ABCC3: variants seen among roughly 807,000 people sequenced by gnomAD.
ABCC3 encodes ATP binding cassette subfamily C member 3.
Under a neutral mutation model 165.3 loss-of-function variants are expected in ABCC3, and 121 were observed. The observed-to-expected ratio is 0.73, with a 90% CI of 0.63 to 0.85. The LOEUF (loss-of-function observed/expected upper bound fraction) is 0.85. Among genes scored for constraint, ABCC3 ranks in the 40% least tolerant of loss-of-function variants. The pLI, the probability that ABCC3 is intolerant of heterozygous loss-of-function variation, is 0.00. For synonymous variants in ABCC3, 733 were observed against 810.1 expected, an observed-to-expected ratio of 0.90 and a Z score of 1.62; for missense variants, 1,869 against 1,964.1, an observed-to-expected ratio of 0.95 and a Z score of 0.92.
chr17:50,655,758 T>A (rs1404782824), intron 1 of ABCC3, 74 bp from the exon 2 acceptor site: 4 of 1,396,182 alleles, frequency 2.9e-6, no homozygotes, highest in African/African-American at 1.4e-5. Context: ...TCTCTCCAGC[T>A]AAGCCATCTT....
At chr17:50,669,290 G>T in intron 16 of ABCC3, 24 bp downstream of exon 16, 1 of 1,614,088 alleles carries the variant, frequency 6.2e-7, no homozygotes, top group Non-Finnish European at 8.5e-7. Flanking sequence ...GGGCTCCTGG[G>T]CAGGGTGTGG....
chr17:50,646,512 T>C (rs1967004844), intron 1 of ABCC3, among the ~76,000 whole-genome samples: 1 of 152,166 alleles, frequency 6.6e-6, no homozygotes, highest in Non-Finnish European at 1.5e-5. Context: ...CATATCATCA[T>C]ATGAGACTGC....
chr17:50,673,958 T>TTCTTTCTTTC (rs1301384637), intron 19 of ABCC3, among the ~76,000 whole-genome samples: 8 of 15,952 alleles, frequency 5.0e-4, no homozygotes, highest in Admixed American at 1.7e-3. Flanking sequence ...CTTTCTTTCT[T>TTCTTTCTTTC]TCTTTCTTTC....
chr17:50,636,113 G>A (rs1332573365), intron 1 of ABCC3, among the ~76,000 whole-genome samples: 1 of 152,182 alleles, frequency 6.6e-6, no homozygotes, highest in Non-Finnish European at 1.5e-5. Flanking sequence ...CAGATTAAAG[G>A]TGCTTCTCTG....
chr17:50,675,170 T>C (rs1267129785), intron 19 of ABCC3, among the ~76,000 whole-genome samples, 192 bp from the exon 20 acceptor site: 1 of 152,218 alleles, frequency 6.6e-6, no homozygotes, highest in Non-Finnish European at 1.5e-5. Context: ...TTGAGTCCGT[T>C]TCTCCATAAT....
chr17:50,690,084 T>C (rs1250988095), intron 30 of ABCC3, among the ~76,000 whole-genome samples: 5 of 150,792 alleles, frequency 3.3e-5, no homozygotes, highest in Non-Finnish European at 7.4e-5. Context: ...TGAGTAAGAG[T>C]TGGAGGATGG....
chr17:50,641,592 C>A (rs1325504252), intron 1 of ABCC3, among the ~76,000 whole-genome samples: 1 of 152,204 alleles, frequency 6.6e-6, no homozygotes, highest in African/African-American at 2.4e-5. Flanking sequence ...TTTATCTATT[C>A]ATTTGTTTAT....
chr17:50,675,733 A>G lies in ABCC3; in HGVS notation c.2817A>G (p.Ala939=). ...SEKVQVTEAK[A]DGALTQEEKA... is the part of the protein sequence containing the mutation. ...AGGTGCAGGTGACAGAGGCGAAGGC[A>G]GATGGGGCACTGACCCAGGAGGAGA... Residue 939 remains alanine (A), a synonymous_variant, in exon 21 of 31, where the codon GCA becomes GCG. Transcript: ENST00000285238. 2 of 1,563,682 alleles carry G rather than the reference A, an allele frequency of 1.3e-6. No individual in the cohort carries two copies. Among genetic ancestry groups the G allele is most frequent in the Non-Finnish European group, 1.7e-6 (2 of 1,153,712 alleles).
intron 1 of ABCC3, among the ~76,000 whole-genome samples, chr17:50,652,491 A>C (rs1272733328): frequency 6.6e-6 from 1 of 152,230 alleles, no homozygotes; most frequent in Non-Finnish European, 1.5e-5. Context: ...GTATCAATTA[A>C]AGAATGCATC....
Position 50,687,580 on chromosome 17 carries a change from G to A in ABCC3, c.4325G>A (p.Arg1442His), listed in dbSNP as rs527762615. 29 of 1,614,082 alleles carry A rather than the reference G, an allele frequency of 1.8e-5. No homozygotes were observed. The highest frequency in any genetic ancestry group is 4.4e-5 in the South Asian group (4 of 91,088). ...GTGTGCCTGGCCCGAGCCCTGCTCC[G>A]CAAGAGCCGCATCCTGGTTTTAGAC... ...QLVCLARALL[R>H]KSRILVLDEA... Residue 1442 changes from arginine to histidine, a missense_variant, in exon 30 of 31, where the codon CGC becomes CAC. By Grantham distance (29) the Arg-to-His change is conservative. Transcript: ENST00000285238.
Position 50,673,090 on chromosome 17 carries a change from GCA to G in ABCC3, c.2364_2365del (p.Ile789LeufsTer2). ...LSAVDSHVAK[H>X]IFDHVIGPEG... is the part of the protein sequence containing the mutation. The stretch of plus-strand genomic sequence containing the variant: ...CCGCGGTGGACTCTCATGTGGCCAA[GCA>G]CATCTTTGACCACGTCATCGGGCCA... On this transcript the variant is annotated frameshift_variant, in exon 18 of 31. Coordinates refer to ENST00000285238, the MANE Select transcript of ABCC3 (RefSeq NM_003786.4). LOFTEE classifies it high-confidence loss of function. 2 of 1,614,148 alleles carry G rather than the reference GCA, an allele frequency of 1.2e-6. No individual in the cohort carries two copies. Among genetic ancestry groups the G allele is most frequent in the Non-Finnish European group, 1.7e-6 (2 of 1,180,038 alleles).
At chr17:50,655,265 G>A (rs1967204861) in intron 1 of ABCC3, among the ~76,000 whole-genome samples, 1 of 151,220 alleles carries the variant, frequency 6.6e-6, no homozygotes, top group Non-Finnish European at 1.5e-5. Context: ...AATTAGCCAG[G>A]CGTGGTGGTG....
intron 15 of ABCC3, 68 bp from the exon 16 acceptor site, chr17:50,669,072 G>A: frequency 1.3e-6 from 2 of 1,592,304 alleles, no homozygotes; most frequent in South Asian, 2.3e-5. Flanking sequence ...TGGTTCTGCA[G>A]GTGGAGGGTT....
chr17:50,669,369 G>A lies in ABCC3; in HGVS notation c.2082G>A (p.Val694=), dbSNP rs775329933. The part of the protein sequence containing the change: ...KVHMKGSVAY[V]PQQAWIQNCT... ...GTGGCCAGGGCTCCGTGGCCTATGT[G>A]CCCCAGCAGGCATGGATCCAGAACT... is the stretch of plus-strand genomic sequence containing the variant. The change falls in exon 17 of 31, where the codon GTG becomes GTA. Residue 694 remains valine (V), a synonymous_variant. Transcript: ENST00000285238. 9 of 1,614,232 alleles carry A rather than the reference G, an allele frequency of 5.6e-6. No individual in the cohort carries two copies. In the South Asian group the frequency reaches 9.9e-5, roughly 18 times the overall value.
chr17:50,688,584 G>A (rs185592303), intron 30 of ABCC3: 1 of 152,332 alleles, frequency 6.6e-6, no homozygotes, highest in East Asian at 1.9e-4. Context: ...GATGCTTCGT[G>A]GGATTGTCGT....
At chr17:50,688,571 A>T (rs1338607069) in intron 30 of ABCC3, 1 of 152,214 alleles carries the variant, frequency 6.6e-6, no homozygotes, top group East Asian at 1.9e-4. Flanking sequence ...TTCAAATGAA[A>T]ATGATGCTTC....
At position 50,668,493 on chromosome 17, in the gene ABCC3, G is replaced by A. The variant is rs202201028; in HGVS notation, c.1846G>A (p.Val616Met). The change falls in exon 14 of 31, where the codon GTG becomes ATG. Residue 616 changes from valine to methionine, a missense_variant. Val to Met is a conservative substitution (Grantham distance 21, BLOSUM62 1). Transcript: ENST00000285238. ...LSQEELDPQSVERKTISPGYA... is the reference protein window; with the variant it reads ...LSQEELDPQSMERKTISPGYA... ...CCAAGAGGAACTTGACCCCCAGAGT[G>A]TGGAAAGAAAGACCATCTCCCCAGG... The A allele has an allele frequency of 2.5e-6, 4 of 1,614,020 alleles. No homozygotes were observed. The Admixed American group carries it at 5.0e-5, about 20-fold the overall frequency.
intron 23 of ABCC3, 117 bp from the exon 24 acceptor site, chr17:50,677,627 G>C (rs571018015): frequency 2.0e-6 from 2 of 1,017,820 alleles, no homozygotes; most frequent in Non-Finnish European, 2.9e-6. Flanking sequence ...GCGATGTCTC[G>C]TGGTGGGAGT....
chr17:50,642,228 C>T (rs1298353850), intron 1 of ABCC3, among the ~76,000 whole-genome samples: 1 of 152,304 alleles, frequency 6.6e-6, no homozygotes, highest in Non-Finnish European at 1.5e-5. Flanking sequence ...CAGTTCTGGA[C>T]GTGTTTTGTA....
Sources: allele counts gnomAD v4.1 joint callset (sites outside exome capture counted in the v4.1 genomes callset), GRCh38; gene constraint gnomAD v4.1.1; transcripts MANE v1.5; gene names NCBI Gene and HGNC (gene_info 2026-07-23, HGNC 2026-07-21).